ST8SIA1: variants seen among roughly 807,000 people sequenced by gnomAD.
The protein encoded by ST8SIA1 is ST8 alpha-N-acetyl-neuraminide alpha-2,8-sialyltransferase 1.
A neutral mutation model predicts 35.9 loss-of-function variants in ST8SIA1; 16 were observed. That is an observed-to-expected ratio of 0.45 (90% confidence interval 0.30 to 0.68). ST8SIA1 has a LOEUF of 0.68. ST8SIA1 is among the 30% of genes least tolerant of loss of function. The pLI, the probability that ST8SIA1 is intolerant of heterozygous loss-of-function variation, is 0.09. For missense variants in ST8SIA1, 383 were observed against 453.6 expected, an observed-to-expected ratio of 0.84 and a Z score of 1.41; for synonymous variants, 170 against 169.6, an observed-to-expected ratio of 1.00 and a Z score of -0.02.
chr12:22,259,081 T>G (rs911578297), intron 2 of ST8SIA1, among the ~76,000 whole-genome samples: 3 of 152,166 alleles, frequency 2.0e-5, no homozygotes, highest in African/African-American at 7.2e-5. Context: ...CTTCCCTTTT[T>G]CATTTCTTTC....
chr12:22,291,168 T>C (rs1259979522), intron 1 of ST8SIA1, among the ~76,000 whole-genome samples: 1 of 152,180 alleles, frequency 6.6e-6, no homozygotes, highest in Non-Finnish European at 1.5e-5. Context: ...CTGTTGACTG[T>C]GCCTACCGAC....
chr12:22,247,308 TAA>T (rs1045474844), intron 4 of ST8SIA1, among the ~76,000 whole-genome samples: 2 of 152,214 alleles, frequency 1.3e-5, no homozygotes, highest in Non-Finnish European at 2.9e-5. Flanking sequence ...TGTTCCTTCT[TAA>T]AAGTTATTTT....
At chr12:22,222,870 AGTCTAAATGACTAGC>A (rs1865315535) in intron 4 of ST8SIA1, among the ~76,000 whole-genome samples, 2 of 152,194 alleles carry the variant, frequency 1.3e-5, no homozygotes, top group Admixed American at 6.6e-5. Flanking sequence ...CCTAAATTCC[AGTCTAAATGACTAGC>A]CTGTGCTACC....
intron 1 of ST8SIA1, among the ~76,000 whole-genome samples, chr12:22,303,923 A>G (rs1473628220): frequency 6.6e-6 from 1 of 151,954 alleles, no homozygotes; most frequent in Non-Finnish European, 1.5e-5. Flanking sequence ...AACGAACAGC[A>G]AAAAACAGAA....
Position 22,266,779 on chromosome 12 carries a change from C to A in ST8SIA1, c.382-11390G>T, listed in dbSNP as rs145913838. Among the ~76,000 whole-genome samples, 39 of 150,780 alleles carry A rather than the reference C, an allele frequency of 2.6e-4. No individual in the cohort carries two copies. The East Asian group carries it at 7.3e-3, about 28-fold the overall frequency. On this transcript the variant is annotated intron_variant, in intron 2 of 4. Coordinates refer to ENST00000396037, the MANE Select transcript of ST8SIA1 (RefSeq NM_003034.4). Reference sequence around the variant, plus strand: ...GCCACTGCATTGCAGCCTGGGTGACCGAGTGAGACCCTGTCTCTTGAAAAA... The same window carrying A: ...GCCACTGCATTGCAGCCTGGGTGACAGAGTGAGACCCTGTCTCTTGAAAAA...
At chr12:22,217,251 T>C (rs1480662602) in intron 4 of ST8SIA1, among the ~76,000 whole-genome samples, 1 of 152,196 alleles carries the variant, frequency 6.6e-6, no homozygotes, top group Non-Finnish European at 1.5e-5. Flanking sequence ...AATTTATTTG[T>C]TTAAGTTTCT....
At chr12:22,292,787 T>C (rs1333670448) in intron 1 of ST8SIA1, among the ~76,000 whole-genome samples, 1 of 152,170 alleles carries the variant, frequency 6.6e-6, no homozygotes, top group African/African-American at 2.4e-5. Flanking sequence ...AAAAACGACC[T>C]ATTGGGTACT....
At chr12:22,213,514 T>G (rs1006381887) in intron 4 of ST8SIA1, among the ~76,000 whole-genome samples, 1 of 152,098 alleles carries the variant, frequency 6.6e-6, no homozygotes, top group Non-Finnish European at 1.5e-5. Flanking sequence ...AAATGAATTT[T>G]GAAGAATGAG....
In ST8SIA1 at chr12:22,236,487, T is replaced by C. The variant is rs116938779; in HGVS notation, c.584+12519A>G. On this transcript the variant is annotated intron_variant, in intron 4 of 4. Transcript: ENST00000396037. ...GACATTTTACTGATTTGAAAATATA[T>C]TTAACTGAAGCACACTTTAAAAAGA... Among the ~76,000 whole-genome samples the C allele has an allele frequency of 2.7e-3, 414 of 152,298 alleles. 2 individuals carry two copies. Among genetic ancestry groups the C allele is most frequent in the Middle Eastern group, 0.014 (4 of 294 alleles).
intron 1 of ST8SIA1, among the ~76,000 whole-genome samples, chr12:22,298,918 T>C (rs1232204974): frequency 6.6e-6 from 1 of 152,104 alleles, no homozygotes; most frequent in Non-Finnish European, 1.5e-5. Context: ...AAGTAGAGAT[T>C]TTTTTTTAAA....
chr12:22,316,641 G>GA (rs1469210719), intron 1 of ST8SIA1, among the ~76,000 whole-genome samples: 1 of 151,806 alleles, frequency 6.6e-6, no homozygotes. Flanking sequence ...AGTCGTTATG[G>GA]AAAAAAAATT....
chr12:22,201,889 T>C lies in ST8SIA1; in HGVS notation c.734A>G (p.Asn245Ser), dbSNP rs1305365095. 1.2e-6 allele frequency: 2 copies of C among 1,614,038 alleles called. No homozygotes were observed. The highest frequency in any genetic ancestry group is 1.3e-5 in the African/African-American group (1 of 74,928). ...GGGGTTGGCAAACAGCACTGTTTGA[T>C]TGGCACCAACATCTGACAGTGTATA... ...VYYTLSDVGANQTVLFANPNF... is the reference protein window; with the variant it reads ...VYYTLSDVGASQTVLFANPNF... The change falls in exon 5 of 5, where the codon AAT (asparagine) becomes AGT (serine). Residue 245 changes from asparagine (N) to serine (S), a missense_variant. By Grantham distance (46) the Asn-to-Ser change is conservative. Transcript: ENST00000396037.
chr12:22,281,540 G>A (rs1019802504), intron 2 of ST8SIA1, among the ~76,000 whole-genome samples: 3 of 152,126 alleles, frequency 2.0e-5, no homozygotes, highest in Non-Finnish European at 2.9e-5. Flanking sequence ...TCAAAATAAT[G>A]TAAATGCTCT....
intron 4 of ST8SIA1, among the ~76,000 whole-genome samples, chr12:22,214,986 T>C (rs1478961281): frequency 6.6e-6 from 1 of 152,166 alleles, no homozygotes; most frequent in Non-Finnish European, 1.5e-5. Context: ...AATTATATTG[T>C]GTAGCTTTTC....
At chr12:22,219,644 A>G (rs1865274724) in intron 4 of ST8SIA1, among the ~76,000 whole-genome samples, 1 of 152,184 alleles carries the variant, frequency 6.6e-6, no homozygotes, top group South Asian at 2.1e-4. Flanking sequence ...ATTTTTTAAA[A>G]TGAAATTATC....
At chr12:22,286,575 T>C (rs1866104024) in intron 2 of ST8SIA1, 1 of 493,676 alleles carries the variant, frequency 2.0e-6, no homozygotes, top group Non-Finnish European at 4.0e-6. Flanking sequence ...ACATGTATAT[T>C]AGAAAAACAT....
In ST8SIA1 at chr12:22,201,525, G is replaced by A; in HGVS notation, c.*27C>T. On this transcript the variant is annotated 3_prime_UTR_variant, in exon 5 of 5. Transcript: ENST00000396037. ...TAGAAAACCTAACAAAAATACCCTGGTTCAGTCCTTTCTTCTTCCATTGTT... is the reference window on the plus strand; with the variant it reads ...TAGAAAACCTAACAAAAATACCCTGATTCAGTCCTTTCTTCTTCCATTGTT... 3 of 1,569,198 alleles carry A rather than the reference G, an allele frequency of 1.9e-6. No homozygotes were observed. Among genetic ancestry groups the A allele is most frequent in the Non-Finnish European group, 2.6e-6 (3 of 1,160,570 alleles).
At chr12:22,207,309 T>G (rs1865122648) in intron 4 of ST8SIA1, among the ~76,000 whole-genome samples, 1 of 152,230 alleles carries the variant, frequency 6.6e-6, no homozygotes, top group Admixed American at 6.5e-5. Flanking sequence ...TTGATTTGAT[T>G]GCGATATGTC....
chr12:22,230,960 T>C (rs1387979240), intron 4 of ST8SIA1, among the ~76,000 whole-genome samples: 1 of 152,076 alleles, frequency 6.6e-6, no homozygotes, highest in Non-Finnish European at 1.5e-5. Flanking sequence ...TCTGATGCAC[T>C]TCCCAGGGAA....
Sources: allele counts gnomAD v4.1 joint callset (sites outside exome capture counted in the v4.1 genomes callset), GRCh38; gene constraint gnomAD v4.1.1; transcripts MANE v1.5; gene names NCBI Gene and HGNC (gene_info 2026-07-23, HGNC 2026-07-21).